Variants in STXBP5 observed in about 807,000 individuals in gnomAD.
STXBP5 encodes syntaxin-binding protein 5.
In STXBP5, 50 loss-of-function variants were observed where a neutral mutation model predicts 152.4. The ratio of observed to expected loss-of-function variants is 0.33; its 90% CI spans 0.26 to 0.42. The LOEUF is 0.42. Ranked by LOEUF, STXBP5 falls within the 10% of genes least tolerant of loss-of-function variation. The pLI, the probability that STXBP5 is intolerant of heterozygous loss-of-function variation, is 1.00. For synonymous variants in STXBP5, 492 were observed against 494.7 expected (o/e 0.99, Z 0.07); for missense variants, 1,167 against 1,388.6 (o/e 0.84, Z 2.54).
chr6:147,379,504 G>A (rs1267776519), intron 26 of STXBP5, among the ~76,000 whole-genome samples: 1 of 152,122 alleles, frequency 6.6e-6, no homozygotes, highest in Non-Finnish European at 1.5e-5. Context: ...ACTGATGTCT[G>A]TATGTATATA....
chr6:147,236,441 G>C (rs140263550), intron 3 of STXBP5, among the ~76,000 whole-genome samples: 140 of 152,248 alleles, frequency 9.2e-4, no homozygotes, highest in South Asian at 1.7e-3. Flanking sequence ...TAGTTTCAGA[G>C]AGAGTCTGTG....
chr6:147,279,525 G>A (rs1780601992), intron 8 of STXBP5, among the ~76,000 whole-genome samples: 1 of 152,140 alleles, frequency 6.6e-6, no homozygotes, highest in African/African-American at 2.4e-5. Context: ...TCTATCTGTG[G>A]CATATGGGAT....
chr6:147,287,034 A>G (rs1405482066), intron 8 of STXBP5, among the ~76,000 whole-genome samples: 1 of 150,498 alleles, frequency 6.6e-6, no homozygotes, highest in Non-Finnish European at 1.5e-5. Flanking sequence ...TTTTGTGAGT[A>G]CATACTAGAT....
chr6:147,363,328 A>G lies in STXBP5; in HGVS notation c.2546-7A>G, dbSNP rs1372712138. The stretch of plus-strand genomic sequence containing the variant: ...TTTCAGTTATTTACTAGACTTCTAT[A>G]TTTTAGGTACTATATTGAGGTTAAA... On this transcript the variant is annotated splice_region_variant and splice_polypyrimidine_tract_variant and intron_variant, in intron 23 of 27. Transcript: ENST00000321680. 6.4e-7 allele frequency: 1 copy of G among 1,554,928 alleles called. No individual in the cohort carries two copies. The highest frequency in any genetic ancestry group is 8.6e-7 in the Non-Finnish European group (1 of 1,156,640).
chr6:147,364,135 C>A lies in STXBP5; in HGVS notation c.3050C>A (p.Thr1017Asn). Residue 1017 changes from threonine to asparagine, a missense_variant, in exon 25 of 28, where the codon ACT (threonine) becomes AAT (asparagine). This residue lies in a region of STXBP5 where 833 missense variants were observed against 986.3 expected (regional missense o/e 0.84). Coordinates refer to ENST00000321680, the MANE Select transcript of STXBP5 (RefSeq NM_001127715.4). ...TCACCTACAGAAATCCAGAGACTTA[C>A]TTATAGTCAAGAGACCTGTGAAAAT... is the stretch of plus-strand genomic sequence containing the variant. ...LVSPTEIQRL[T>N]YSQETCENLQ... 6.2e-7 allele frequency: 1 copy of A among 1,613,374 alleles called. No individual in the cohort carries two copies. The highest frequency in any genetic ancestry group is 8.5e-7 in the Non-Finnish European group (1 of 1,179,812).
Position 147,278,071 on chromosome 6 carries a change from C to T in STXBP5, c.715-10C>T, listed in dbSNP as rs1339356961. On this transcript the variant is annotated splice_polypyrimidine_tract_variant and intron_variant, in intron 7 of 27. Transcript: ENST00000321680. ...AGATTTTTTAAATGGTATTTTTCAT[C>T]CTTCTATAGGCTATCCACTCTGTTG... The T allele has an allele frequency of 6.3e-6, 10 of 1,594,898 alleles. No individual in the cohort carries two copies. The highest frequency in any genetic ancestry group is 7.7e-6 in the Non-Finnish European group (9 of 1,170,114).
intron 26 of STXBP5, among the ~76,000 whole-genome samples, chr6:147,376,155 C>G (rs1406818245): frequency 6.6e-6 from 1 of 152,116 alleles, no homozygotes; most frequent in Non-Finnish European, 1.5e-5. Context: ...CACACATACA[C>G]AGACAATAAC....
At chr6:147,366,276 A>T (rs1024134460) in intron 25 of STXBP5, among the ~76,000 whole-genome samples, 1 of 152,214 alleles carries the variant, frequency 6.6e-6, no homozygotes. Context: ...ATCTGAAAGG[A>T]ATAGAGGATT....
chr6:147,341,238 G>A (rs571602125), intron 21 of STXBP5, among the ~76,000 whole-genome samples: 9 of 151,994 alleles, frequency 5.9e-5, no homozygotes, highest in South Asian at 2.1e-4. Flanking sequence ...ATTTAGTTTT[G>A]TTATAAGAAT....
In STXBP5 at chr6:147,235,273, G is replaced by A; in HGVS notation, c.272G>A (p.Cys91Tyr). 6.2e-7 allele frequency: 1 copy of A among 1,613,420 alleles called. No homozygotes were observed. Among genetic ancestry groups the A allele is most frequent in the Non-Finnish European group, 8.5e-7 (1 of 1,179,540 alleles). The change falls in exon 3 of 28, where the codon TGT becomes TAT. Residue 91 changes from cysteine (C) to tyrosine (Y), a missense_variant. Physicochemically the swap from Cys to Tyr is radical, Grantham distance 194 (BLOSUM62 -2). Transcript: ENST00000321680. ...LRLFGRPGVE[C>Y]YCQHDSGAAV... The stretch of plus-strand genomic sequence containing the variant: ...AGCTTTGGTCGTCCAGGAGTAGAAT[G>A]TTATTGCCAGCATGACAGTGGAGCT...
At position 147,389,016 on chromosome 6, in the gene STXBP5, G is replaced by T. The variant is rs963306054; in HGVS notation, c.*4261G>T. ...CTGTATTTACTTTGGGGGGAAAAAA[G>T]CACTCCTATATCTTAAATGTCCTTC... On this transcript the variant is annotated 3_prime_UTR_variant, in exon 28 of 28. Coordinates refer to ENST00000321680, the MANE Select transcript of STXBP5 (RefSeq NM_001127715.4). 3.3e-5 allele frequency: 5 copies of T among 151,548 alleles called. No individual in the cohort carries two copies. The highest frequency in any genetic ancestry group is 9.6e-5 in the African/African-American group (4 of 41,466). The allele number at this position is 151,548 out of a possible 1,614,324, so 9.4% of individuals were successfully genotyped here. A position where few individuals can be genotyped will look rare whatever the true frequency, so the allele number is the denominator to read the frequency against.
chr6:147,331,817 A>C (rs1241351076), intron 18 of STXBP5, among the ~76,000 whole-genome samples: 5 of 151,482 alleles, frequency 3.3e-5, no homozygotes, highest in African/African-American at 1.2e-4. Context: ...AAAAAAAAAA[A>C]AAAAAAAAAA....
intron 2 of STXBP5, among the ~76,000 whole-genome samples, chr6:147,213,853 A>C (rs1345392480): frequency 1.3e-5 from 2 of 152,160 alleles, no homozygotes; most frequent in Non-Finnish European, 2.9e-5. Flanking sequence ...AGAAAAGGGC[A>C]TTTCACTATT....
chr6:147,209,378 T>G (rs1174491077), intron 2 of STXBP5, among the ~76,000 whole-genome samples: 2 of 152,120 alleles, frequency 1.3e-5, no homozygotes, highest in Non-Finnish European at 2.9e-5. Context: ...GCTTACAAAG[T>G]GATTTTTTTA....
intron 22 of STXBP5, among the ~76,000 whole-genome samples, chr6:147,354,497 G>A (rs867534769): frequency 1.3e-5 from 2 of 151,604 alleles, no homozygotes; most frequent in African/African-American, 4.8e-5. Flanking sequence ...TTGAAAACAA[G>A]TATATCTGAG....
chr6:147,317,788 T>C (rs1017200664), intron 16 of STXBP5, among the ~76,000 whole-genome samples: 1 of 152,226 alleles, frequency 6.6e-6, no homozygotes, highest in African/African-American at 2.4e-5. Flanking sequence ...TACAGAATTC[T>C]ACACTTTTCC....
chr6:147,288,510 C>G (rs1025333324), intron 8 of STXBP5, among the ~76,000 whole-genome samples: 2 of 152,136 alleles, frequency 1.3e-5, no homozygotes, highest in East Asian at 3.9e-4. Context: ...GATGATTTTT[C>G]ATCTTGTTAG....
chr6:147,315,676 T>G lies in STXBP5; in HGVS notation c.1564T>G (p.Ser522Ala). 1 of 1,613,926 alleles carries G rather than the reference T, an allele frequency of 6.2e-7. No homozygotes were observed. Among genetic ancestry groups the G allele is most frequent in the Non-Finnish European group, 8.5e-7 (1 of 1,179,908 alleles). The change falls in exon 15 of 28, where the codon TCA becomes GCA. Residue 522 changes from serine (S) to alanine (A), a missense_variant. Physicochemically the swap from Ser to Ala is moderately conservative, Grantham distance 99. Around this residue, in one of 3 missense-constraint regions of STXBP5, gnomAD observed 833 missense variants for 986.3 expected, o/e 0.84. Coordinates refer to ENST00000321680, the MANE Select transcript of STXBP5 (RefSeq NM_001127715.4). ...TAGAATGCTGTGCATCGCTGGAGTT[T>G]CAGCTCATGTCATTATTTATAGATT... ...ESRMLCIAGV[S>A]AHVIIYRFSK...
At chr6:147,301,466 A>G (rs1483790970) in intron 9 of STXBP5, among the ~76,000 whole-genome samples, 1 of 152,168 alleles carries the variant, frequency 6.6e-6, no homozygotes, top group East Asian at 1.9e-4. Context: ...GGACTTTTAC[A>G]ATTTGAAGTG....
Sources: gnomAD v4.1 joint callset for allele counts (sites outside exome capture counted in the v4.1 genomes callset) on GRCh38, gnomAD v4.1.1 for gene constraint, gnomAD v4.1.1 regional missense constraint, MANE v1.5 for transcripts, NCBI Gene and HGNC (gene_info 2026-07-23, HGNC 2026-07-21) for gene names.